SH3RF2: variants seen among roughly 807,000 people sequenced by gnomAD.
SH3RF2 encodes the protein SH3 domain containing ring finger 2, also known as E3 ubiquitin-protein ligase SH3RF2.
Under a neutral mutation model 59.0 loss-of-function variants are expected in SH3RF2, and 43 were observed. The ratio of observed to expected loss-of-function variants is 0.73; its 90% CI spans 0.57 to 0.94. The LOEUF (loss-of-function observed/expected upper bound fraction) is 0.94. SH3RF2 is among the 40% of genes least tolerant of loss of function. The pLI, the probability that SH3RF2 is intolerant of heterozygous loss-of-function variation, is 0.00. For synonymous variants in SH3RF2, 391 were observed against 391.5 expected (o/e 1.00, Z 0.01); for missense variants, 930 against 940.1 (o/e 0.99, Z 0.14).
chr5:146,046,937 T>C (rs1442951785), intron 5 of SH3RF2, among the ~76,000 whole-genome samples: 1 of 152,068 alleles, frequency 6.6e-6, no homozygotes, highest in Non-Finnish European at 1.5e-5. Context: ...CTAATTTTTT[T>C]AAAAGAGATG....
Position 145,938,264 on chromosome 5 carries a change from T to C in SH3RF2, c.336T>C (p.Ser112=), listed in dbSNP as rs919101615. The C allele has an allele frequency of 3.1e-6, 5 of 1,594,856 alleles. No homozygotes were observed. Among genetic ancestry groups the C allele is most frequent in the Middle Eastern group, 1.7e-4 (1 of 5,994 alleles). Residue 112 remains serine (S), a synonymous_variant, in exon 2 of 10, where the codon AGT becomes AGC. Transcript: ENST00000359120. ...SRTNPRRLQA[S]PFRLVPNVRI... Reference sequence around the variant, plus strand: ...CCAACCCCAGACGTCTGCAGGCCAGTCCTTTCCGGCTAGTGCCTAATGTCA... The same window carrying C: ...CCAACCCCAGACGTCTGCAGGCCAGCCCTTTCCGGCTAGTGCCTAATGTCA...
chr5:146,021,033 A>T (rs551873104), intron 5 of SH3RF2, among the ~76,000 whole-genome samples: 1 of 152,280 alleles, frequency 6.6e-6, no homozygotes, highest in Admixed American at 6.5e-5. Flanking sequence ...AGCTTGAACT[A>T]TTATAAGTCC....
chr5:145,956,156 CGAACCA>C (rs1561708466), intron 2 of SH3RF2, among the ~76,000 whole-genome samples: 2 of 152,132 alleles, frequency 1.3e-5, no homozygotes, highest in African/African-American at 4.8e-5. Flanking sequence ...TGCTGGTCCT[CGAACCA>C]CGCCCAGAGT....
chr5:145,955,579 T>G (rs916400791), intron 2 of SH3RF2, among the ~76,000 whole-genome samples: 2 of 151,988 alleles, frequency 1.3e-5, no homozygotes, highest in Non-Finnish European at 2.9e-5. Context: ...AAAAGGAAGA[T>G]CAGGGTATTA....
rs372059705 is a variant in SH3RF2, at chr5:145,957,211, A to T, written c.378+18905A>T. 1.8e-3 allele frequency among the ~76,000 whole-genome samples: 270 copies of T among 152,350 alleles called. 1 individual carries two copies. Among genetic ancestry groups the T allele is most frequent in the African/African-American group, 6.3e-3 (264 of 41,588 alleles). On this transcript the variant is annotated intron_variant, in intron 2 of 9. Coordinates refer to ENST00000359120, the MANE Select transcript of SH3RF2 (RefSeq NM_152550.4). Reference sequence around the variant, plus strand: ...ACCAAAGTTGTTACTTTCAACAGATATTGCATTGATCTTGAATTACAAAAT... The same window carrying T: ...ACCAAAGTTGTTACTTTCAACAGATTTTGCATTGATCTTGAATTACAAAAT...
intron 2 of SH3RF2, among the ~76,000 whole-genome samples, chr5:145,955,787 A>G (rs181275843): frequency 1.8e-4 from 28 of 152,296 alleles, no homozygotes; most frequent in Admixed American, 6.5e-4. Flanking sequence ...CTATAATTCA[A>G]TGTCATATAA....
intron 9 of SH3RF2, among the ~76,000 whole-genome samples, chr5:146,071,723 T>C (rs1763245040): frequency 6.6e-6 from 1 of 152,218 alleles, no homozygotes; most frequent in Admixed American, 6.5e-5. Flanking sequence ...GCTTTGTTAC[T>C]AGCTATGTTT....
intron 5 of SH3RF2, among the ~76,000 whole-genome samples, chr5:146,047,482 G>A (rs752907866): frequency 1.3e-5 from 2 of 152,100 alleles, no homozygotes; most frequent in Non-Finnish European, 2.9e-5. Flanking sequence ...GGAGGAGCCT[G>A]TGTAGTGCCC....
At chr5:145,997,184 T>A in intron 2 of SH3RF2, 2 of 756,672 alleles carry the variant, frequency 2.6e-6, no homozygotes, top group Non-Finnish European at 4.7e-6. Context: ...GCATTTACCA[T>A]TGTCAATGTC....
chr5:145,982,594 C>A (rs771950135), intron 2 of SH3RF2, among the ~76,000 whole-genome samples: 3 of 152,316 alleles, frequency 2.0e-5, no homozygotes, highest in Non-Finnish European at 2.9e-5. Flanking sequence ...GACTATCATT[C>A]ATGGATTCAT....
chr5:146,054,901 G>A (rs1370104446), intron 7 of SH3RF2, among the ~76,000 whole-genome samples: 1 of 152,190 alleles, frequency 6.6e-6, no homozygotes, highest in Non-Finnish European at 1.5e-5. Flanking sequence ...ATTAGCAGAG[G>A]TTACTTAATC....
At chr5:146,023,830 T>C (rs1761424329) in intron 5 of SH3RF2, among the ~76,000 whole-genome samples, 1 of 152,222 alleles carries the variant, frequency 6.6e-6, no homozygotes, top group Non-Finnish European at 1.5e-5. Flanking sequence ...CTATTCTGGA[T>C]GTTTTCTATA....
intron 7 of SH3RF2, among the ~76,000 whole-genome samples, chr5:146,053,515 C>A (rs980319271): frequency 2.0e-5 from 3 of 152,010 alleles, no homozygotes; most frequent in Admixed American, 2.0e-4. Flanking sequence ...TCAGTCTCAG[C>A]CAATATGACA....
downstream of SH3RF2, among the ~76,000 whole-genome samples, chr5:146,064,607 GA>G (rs1178156663): frequency 2.1e-3 from 264 of 125,042 alleles, 11 homozygotes; most frequent in African/African-American, 7.5e-3. Context: ...GAGAGAGAGA[GA>G]GAGAGAGGGA....
chr5:146,016,530 AC>A (rs1262422080), intron 5 of SH3RF2, among the ~76,000 whole-genome samples: 1 of 152,136 alleles, frequency 6.6e-6, no homozygotes, highest in African/African-American at 2.4e-5. Flanking sequence ...TGTAATAAGA[AC>A]CTTTGTAGGG....
intron 9 of SH3RF2, among the ~76,000 whole-genome samples, chr5:146,071,788 T>C (rs1763246043): frequency 6.6e-6 from 1 of 152,206 alleles, no homozygotes; most frequent in African/African-American, 2.4e-5. Context: ...TAGACCTCGT[T>C]TTCTCATTTG....
chr5:146,052,955 A>G (rs7715679), intron 7 of SH3RF2, among the ~76,000 whole-genome samples: 53,924 of 151,910 alleles, frequency 0.35, 9,850 homozygotes, highest in Non-Finnish European at 0.38. Context: ...TCTGTTTATA[A>G]TGATGGCTCT....
intron 2 of SH3RF2, among the ~76,000 whole-genome samples, chr5:145,965,570 C>T (rs979773253): frequency 6.6e-6 from 1 of 152,136 alleles, no homozygotes; most frequent in African/African-American, 2.4e-5. Context: ...CTGCCTTTTG[C>T]ACAGAGAGTA....
At chr5:146,061,024 C>T (rs1762869849) in intron 9 of SH3RF2, among the ~76,000 whole-genome samples, 2 of 152,184 alleles carry the variant, frequency 1.3e-5, no homozygotes, top group African/African-American at 2.4e-5. Context: ...CCATCACCAC[C>T]GCCATCAGCA....
Sources: allele counts gnomAD v4.1 joint callset (sites outside exome capture counted in the v4.1 genomes callset), GRCh38; gene constraint gnomAD v4.1.1; transcripts MANE v1.5; gene names NCBI Gene and HGNC (gene_info 2026-07-23, HGNC 2026-07-21).